Variants in ARHGAP30 observed in about 807,000 individuals in gnomAD.
The protein encoded by ARHGAP30 is Rho GTPase activating protein 30.
A neutral mutation model predicts 72.0 loss-of-function variants in ARHGAP30; 23 were observed. The observed-to-expected ratio is 0.32, with a 90% CI of 0.23 to 0.45. The LOEUF is 0.45. ARHGAP30 is among the 20% of genes least tolerant of loss of function. ARHGAP30 has a pLI of 1.00. For synonymous variants in ARHGAP30, 576 were observed against 528.2 expected (o/e 1.09, Z -1.24); for missense variants, 1,319 against 1,383.4 (o/e 0.95, Z 0.74).
At position 161,048,130 on chromosome 1, in the gene ARHGAP30, G is replaced by A. The variant is rs748449914; in HGVS notation, c.2891C>T (p.Pro964Leu). Residue 964 changes from proline (P) to leucine (L), a missense_variant, in exon 12 of 12, where the codon CCA (proline) becomes CTA (leucine). By Grantham distance (98) the Pro-to-Leu change is moderately conservative. This residue lies in a region of ARHGAP30 where 1,097 missense variants were observed against 1,045.2 expected (regional missense o/e 1.05). Transcript: ENST00000368013. ...CSKIHVAPANPCPRPGRLDGT... is the reference protein window; with the variant it reads ...CSKIHVAPANLCPRPGRLDGT... ...ATCAAGCCGGCCAGGCCTCGGGCAT[G>A]GATTTGCAGGTGCCACATGAATCTT... The A allele has an allele frequency of 1.2e-6, 2 of 1,614,082 alleles. No homozygotes were observed. The highest frequency in any genetic ancestry group is 1.7e-6 in the Non-Finnish European group (2 of 1,180,040).
At chr1:161,059,080 G>A (rs1158964803) in intron 2 of ARHGAP30, among the ~76,000 whole-genome samples, 3 of 151,792 alleles carry the variant, frequency 2.0e-5, no homozygotes, top group Admixed American at 6.6e-5. Context: ...CCAGGCTGGA[G>A]TGCAGTGGCG....
intron 6 of ARHGAP30, chr1:161,053,016 T>C: frequency 4.7e-6 from 4 of 844,856 alleles, no homozygotes; most frequent in Non-Finnish European, 7.1e-6. Flanking sequence ...GGGGTGGATA[T>C]GAGCCATCAC....
intron 1 of ARHGAP30, among the ~76,000 whole-genome samples, chr1:161,065,133 C>A (rs917728294): frequency 2.0e-5 from 3 of 152,188 alleles, no homozygotes; most frequent in Non-Finnish European, 2.9e-5. Context: ...CGCCACCATG[C>A]CCTGCTAATT....
chr1:161,047,758 G>A lies in ARHGAP30; in HGVS notation c.3263C>T (p.Ala1088Val), dbSNP rs770417288. The A allele has an allele frequency of 1.3e-6, 2 of 1,547,924 alleles. No individual in the cohort carries two copies. The highest frequency in any genetic ancestry group is 1.7e-4 in the Middle Eastern group (1 of 5,742). ...PLLSSQRRSY[A>V]FETQANPGKG... Reference sequence around the variant, plus strand: ...CCCAGGGTTAGCCTGTGTTTCAAATGCATATGACCTGCGCTGAGAGGACAA... The same window carrying A: ...CCCAGGGTTAGCCTGTGTTTCAAATACATATGACCTGCGCTGAGAGGACAA... The change falls in exon 12 of 12, where the codon GCA becomes GTA. Residue 1088 changes from alanine to valine, a missense_variant. Around this residue, in one of 2 missense-constraint regions of ARHGAP30, gnomAD observed 1,097 missense variants for 1,045.2 expected, o/e 1.05. Transcript: ENST00000368013.
chr1:161,047,938 C>T lies in ARHGAP30; in HGVS notation c.3083G>A (p.Cys1028Tyr), dbSNP rs771148945. 1.2e-6 allele frequency: 2 copies of T among 1,613,486 alleles called. No individual in the cohort carries two copies. The highest frequency in any genetic ancestry group is 4.5e-5 in the East Asian group (2 of 44,880). Residue 1028 changes from cysteine to tyrosine, a missense_variant, in exon 12 of 12, where the codon TGC (cysteine) becomes TAC (tyrosine). Physicochemically the swap from Cys to Tyr is radical, Grantham distance 194. Around this residue, in one of 2 missense-constraint regions of ARHGAP30, gnomAD observed 1,097 missense variants for 1,045.2 expected, o/e 1.05. Coordinates refer to ENST00000368013, the MANE Select transcript of ARHGAP30 (RefSeq NM_001025598.2). ...TQTCTEGGDY[C>Y]LIPRTSPCSM... ...ACAAGGGGAGGTTCTGGGGATGAGG[C>T]AGTAATCCCCACCCTCAGTACAGGT...
chr1:161,056,565 G>A, intron 2 of ARHGAP30, 33 bp from the exon 3 acceptor site: 1 of 1,599,194 alleles, frequency 6.3e-7, no homozygotes. Flanking sequence ...GGAGTGGTAG[G>A]GGTTGGGGTG....
Position 161,049,549 on chromosome 1 carries a change from G to A in ARHGAP30, c.1561C>T (p.Pro521Ser). ...CCATCCTCTGCCCCCACCCACTCAG[G>A]TTCTGAGCTGCTTGAGTCCTCTAGG... ...SFLEDSSSSE[P>S]EWVGAEDGEV... The change falls in exon 11 of 12, where the codon CCT (proline) becomes TCT (serine). Residue 521 changes from proline to serine, a missense_variant. Around this residue, in one of 2 missense-constraint regions of ARHGAP30, gnomAD observed 1,097 missense variants for 1,045.2 expected, o/e 1.05. Coordinates refer to ENST00000368013, the MANE Select transcript of ARHGAP30 (RefSeq NM_001025598.2). 4 of 1,614,116 alleles carry A rather than the reference G, an allele frequency of 2.5e-6. No homozygotes were observed. Among genetic ancestry groups the A allele is most frequent in the Non-Finnish European group, 2.5e-6 (3 of 1,180,004 alleles).
chr1:161,060,707 T>G (rs1490681386), intron 1 of ARHGAP30, among the ~76,000 whole-genome samples: 1 of 146,930 alleles, frequency 6.8e-6, no homozygotes, highest in Non-Finnish European at 1.5e-5. Flanking sequence ...CTTTTTTTTT[T>G]TTTTTTTTTT....
chr1:161,054,673 G>T lies in ARHGAP30; in HGVS notation c.378C>A (p.Arg126=). 1 of 1,614,006 alleles carries T rather than the reference G, an allele frequency of 6.2e-7. No individual in the cohort carries two copies. Among genetic ancestry groups the T allele is most frequent in the South Asian group, 1.1e-5 (1 of 91,078 alleles). ...GAAGCACCTCTAGGATCTTGACCAA[G>T]CGCTCAGGTTCCAATTGCACTCCTA... is the stretch of plus-strand genomic sequence containing the variant. ...EAVGVQLEPE[R]LVKILEVLRE... is the part of the protein sequence containing the mutation. The change falls in exon 4 of 12, where the codon CGC becomes CGA. Residue 126 remains arginine (R), a synonymous_variant. Transcript: ENST00000368013.
At chr1:161,054,527 G>A in intron 4 of ARHGAP30, 54 bp from the exon 5 acceptor site, 1 of 1,603,008 alleles carries the variant, frequency 6.2e-7, no homozygotes, top group Non-Finnish European at 8.5e-7. Context: ...CAGGCATTAG[G>A]GCTGGGACCT....
intron 6 of ARHGAP30, 131 bp downstream of exon 6, chr1:161,053,127 G>C: frequency 1.5e-6 from 2 of 1,346,202 alleles, no homozygotes; most frequent in Admixed American, 4.2e-5. Flanking sequence ...TATCTCCCCA[G>C]GGTTCTCTCC....
At chr1:161,056,742 A>G (rs1444990961) in intron 2 of ARHGAP30, among the ~76,000 whole-genome samples, 1 of 152,230 alleles carries the variant, frequency 6.6e-6, no homozygotes, top group African/African-American at 2.4e-5. Context: ...GGGTACATGT[A>G]CAGGTAAGTG....
chr1:161,063,879 T>A (rs1481053089), intron 1 of ARHGAP30, among the ~76,000 whole-genome samples: 1 of 152,184 alleles, frequency 6.6e-6, no homozygotes, highest in Non-Finnish European at 1.5e-5. Context: ...CCCATAGCAC[T>A]CCCAGGCTTA....
chr1:161,049,342 C>G lies in ARHGAP30; in HGVS notation c.1687-8G>C. 1.2e-6 allele frequency: 2 copies of G among 1,610,186 alleles called. No individual in the cohort carries two copies. The highest frequency in any genetic ancestry group is 2.2e-5 in the South Asian group (2 of 90,646). On this transcript the variant is annotated splice_region_variant and splice_polypyrimidine_tract_variant and intron_variant, in intron 11 of 11. Coordinates refer to ENST00000368013, the MANE Select transcript of ARHGAP30 (RefSeq NM_001025598.2). ...CACAGAGAACTCCTCCACCTGTAGGCACAGCATTGTGACTCAGGACCAGGA... is the reference window on the plus strand; with the variant it reads ...CACAGAGAACTCCTCCACCTGTAGGGACAGCATTGTGACTCAGGACCAGGA...
intron 1 of ARHGAP30, among the ~76,000 whole-genome samples, chr1:161,060,937 C>T (rs1309151055): frequency 6.6e-6 from 1 of 151,944 alleles, no homozygotes; most frequent in African/African-American, 2.4e-5. Flanking sequence ...AACTCCTGAC[C>T]TCATATTTCG....
chr1:161,054,472 T>C lies in ARHGAP30; in HGVS notation c.430A>G (p.Thr144Ala). 1 of 1,613,696 alleles carries C rather than the reference T, an allele frequency of 6.2e-7. No homozygotes were observed. Among genetic ancestry groups the C allele is most frequent in the South Asian group, 1.1e-5 (1 of 91,048 alleles). ...LRELPVPNYR[T>A]LEFLMRHLVH... ...AAGTGCCTCATGAGGAACTCCAGGG[T>C]CCTGCAGAAAGCGGGGGCAGGGATC... The change falls in exon 5 of 12, where the codon ACC (threonine) becomes GCC (alanine). Residue 144 changes from threonine to alanine, a missense_variant and splice_region_variant. Physicochemically the swap from Thr to Ala is moderately conservative, Grantham distance 58. Coordinates refer to ENST00000368013, the MANE Select transcript of ARHGAP30 (RefSeq NM_001025598.2).
At chr1:161,064,823 GAAAGAAA>G (rs1557935267) in intron 1 of ARHGAP30, among the ~76,000 whole-genome samples, 2,353 of 63,912 alleles carry the variant, frequency 0.037, 68 homozygotes, top group African/African-American at 0.14. Context: ...AAGAAAGAAA[GAAAGAAA>G]GAGAAAGAAA....
chr1:161,069,741 G>T lies in ARHGAP30; in HGVS notation c.-117C>A. 3 of 1,147,716 alleles carry T rather than the reference G, an allele frequency of 2.6e-6. No homozygotes were observed. The highest frequency in any genetic ancestry group is 3.7e-6 in the Non-Finnish European group (3 of 803,208). The allele number at this position is 1,147,716 out of a possible 1,614,324, so 71.1% of individuals were successfully genotyped here. The stretch of plus-strand genomic sequence containing the variant: ...CTTGGCCCGGCCCCAGGGGGGCAGG[G>T]CTCCCAATTGGGGGTGGAGGGTGGC... On this transcript the variant is annotated 5_prime_UTR_variant, in exon 1 of 12. Coordinates refer to ENST00000368013, the MANE Select transcript of ARHGAP30 (RefSeq NM_001025598.2). The surrounding 1 kb of genome is among the most constrained non-coding windows in gnomAD (Gnocchi z 4.9).
intron 9 of ARHGAP30, among the ~76,000 whole-genome samples, 157 bp from the exon 10 acceptor site, chr1:161,051,872 A>G (rs1651400865): frequency 6.6e-6 from 1 of 152,112 alleles, no homozygotes; most frequent in African/African-American, 2.4e-5. Context: ...TCACTACTGC[A>G]AACTTTTCAC....
Sources: gnomAD v4.1 joint callset for allele counts (sites outside exome capture counted in the v4.1 genomes callset) on GRCh38, gnomAD v4.1.1 for gene constraint, gnomAD v4.1.1 regional missense constraint, Gnocchi (gnomAD v3.1) non-coding constraint, MANE v1.5 for transcripts, NCBI Gene and HGNC (gene_info 2026-07-23, HGNC 2026-07-21) for gene names.